CHEK1: variants seen among roughly 807,000 people sequenced by gnomAD.
The protein encoded by CHEK1 is serine/threonine-protein kinase Chk1.
Under a neutral mutation model 60.2 loss-of-function variants are expected in CHEK1, and 32 were observed. The observed-to-expected ratio is 0.53, with a 90% CI of 0.40 to 0.71. The LOEUF (loss-of-function observed/expected upper bound fraction) is 0.71, where lower values mean the gene tolerates loss of function less well. CHEK1 is among the 30% of genes least tolerant of loss of function. The probability of loss-of-function intolerance (pLI) is 0.00; values close to 1 mark genes in which losing one functional copy is unlikely to be tolerated. For synonymous variants in CHEK1, 179 were observed against 187.2 expected (o/e 0.96, Z 0.36); for missense variants, 399 against 564.6 (o/e 0.71, Z 2.97).
At chr11:125,657,641 T>C (rs957766668), downstream of CHEK1, among the ~76,000 whole-genome samples, 5 of 152,234 alleles carry the variant, frequency 3.3e-5, no homozygotes, top group African/African-American at 1.2e-4. Flanking sequence ...TGTGTTGATT[T>C]TTTATAGCCA....
At position 125,656,721 on chromosome 11, in the gene CHEK1, CA is replaced by C; in HGVS notation, c.*1406del. 1.9e-5 allele frequency: 4 copies of C among 214,960 alleles called. No homozygotes were observed. The highest frequency in any genetic ancestry group is 2.8e-5 in the Non-Finnish European group (3 of 106,542). The allele number at this position is 214,960 out of a possible 1,614,324, so 13.3% of individuals were successfully genotyped here. A position where few individuals can be genotyped will look rare whatever the true frequency, so the allele number is the denominator to read the frequency against. Reference sequence around the variant, plus strand: ...GAATGTCTAGTAGGCATCTCTTGACCAAAAACAGCTTTTGATTCCTGTTCTC... The same window carrying C: ...GAATGTCTAGTAGGCATCTCTTGACCAAAACAGCTTTTGATTCCTGTTCTC... On this transcript the variant is annotated 3_prime_UTR_variant, in exon 13 of 13. Coordinates refer to ENST00000438015, the MANE Select transcript of CHEK1 (RefSeq NM_001114122.3).
chr11:125,631,256 C>G, intron 5 of CHEK1, among the ~76,000 whole-genome samples: 1 of 151,944 alleles, frequency 6.6e-6, no homozygotes, highest in Non-Finnish European at 1.5e-5. Flanking sequence ...TATTAATATA[C>G]AAGATATAAT....
intron 5 of CHEK1, among the ~76,000 whole-genome samples, chr11:125,632,396 T>C (rs1398228094): frequency 6.6e-6 from 1 of 152,230 alleles, no homozygotes; most frequent in Non-Finnish European, 1.5e-5. Flanking sequence ...TTTCTAACTC[T>C]TAAGACTGGG....
chr11:125,632,689 T>A (rs1404235339), intron 5 of CHEK1, among the ~76,000 whole-genome samples: 1 of 152,156 alleles, frequency 6.6e-6, no homozygotes, highest in African/African-American at 2.4e-5. Context: ...AAGAAAAAAA[T>A]TACTGTGGTT....
intron 12 of CHEK1, among the ~76,000 whole-genome samples, chr11:125,654,993 A>T (rs2136065522): frequency 6.6e-6 from 1 of 152,278 alleles, no homozygotes; most frequent in East Asian, 1.9e-4. Context: ...CTGCTCTCTG[A>T]GCTCAGTGCA....
intron 7 of CHEK1, among the ~76,000 whole-genome samples, chr11:125,636,875 T>G (rs1483264430): frequency 6.6e-6 from 1 of 152,186 alleles, no homozygotes; most frequent in African/African-American, 2.4e-5. Context: ...GGAAAGGTCT[T>G]CTACCTCTAC....
rs183733803 is a variant in CHEK1 at position 125,644,428 on chromosome 11, A to G, written c.1102-84A>G. 11,023 of 1,528,134 alleles carry G rather than the reference A, an allele frequency of 7.2e-3. 50 individuals carry two copies. Among genetic ancestry groups the G allele is most frequent in the Non-Finnish European group, 8.2e-3 (9,345 of 1,137,974 alleles). 94.7% of individuals were successfully genotyped at this position (1,528,134 alleles called of 1,614,324 possible). Reference sequence around the variant, plus strand: ...GAGGAGGGAGGCCTTCATGCAAAATAATTTTAAGTCAGACTAAATAGCTAT... The same window carrying G: ...GAGGAGGGAGGCCTTCATGCAAAATGATTTTAAGTCAGACTAAATAGCTAT... On this transcript the variant is annotated intron_variant, in intron 10 of 12. Transcript: ENST00000438015.
downstream of CHEK1, among the ~76,000 whole-genome samples, chr11:125,658,451 AT>A (rs1173077036): frequency 6.6e-6 from 1 of 152,028 alleles, no homozygotes; most frequent in Non-Finnish European, 1.5e-5. Flanking sequence ...AGTTCTTCAT[AT>A]GTTCAGCATA....
chr11:125,658,673 TC>T (rs1480969483), downstream of CHEK1, among the ~76,000 whole-genome samples: 2 of 148,118 alleles, frequency 1.4e-5, no homozygotes, highest in Non-Finnish European at 3.0e-5. Context: ...CTTAAAAGCT[TC>T]ATGGCTTTTG....
At chr11:125,658,170 G>A (rs1243394895), downstream of CHEK1, among the ~76,000 whole-genome samples, 1 of 152,160 alleles carries the variant, frequency 6.6e-6, no homozygotes, top group African/African-American at 2.4e-5. Flanking sequence ...GCAGGCTCAA[G>A]CAATCCTCCT....
At chr11:125,660,757 AAAAAAAAG>A (rs748761997), downstream of CHEK1, among the ~76,000 whole-genome samples, 18 of 151,934 alleles carry the variant, frequency 1.2e-4, no homozygotes, top group Middle Eastern at 3.4e-3. Context: ...ATTAACAAAA[AAAAAAAAG>A]AAAAAGTTTG....
rs1322109311 is a variant in CHEK1 at position 125,644,106 on chromosome 11, G to T, written c.939G>T (p.Lys313Asn). The change falls in exon 10 of 13, where the codon AAG becomes AAT. Residue 313 changes from lysine (K) to asparagine (N), a missense_variant. Physicochemically the swap from Lys to Asn is moderately conservative, Grantham distance 94. Around this residue, in one of 2 missense-constraint regions of CHEK1, gnomAD observed 370 missense variants for 494.8 expected, o/e 0.75. Coordinates refer to ENST00000438015, the MANE Select transcript of CHEK1 (RefSeq NM_001114122.3). The stretch of plus-strand genomic sequence containing the variant: ...AATGCCTCAGTGAAGAAAATGTGAA[G>T]TACTCCAGTTCTCAGCCAGAACCCC... Reference protein sequence around the residue: ...VNSASSEENVKYSSSQPEPRT... With the variant: ...VNSASSEENVNYSSSQPEPRT... 6.2e-7 allele frequency: 1 copy of T among 1,609,676 alleles called. No homozygotes were observed. Among genetic ancestry groups the T allele is most frequent in the East Asian group, 2.2e-5 (1 of 44,866 alleles).
At chr11:125,655,033 T>G (rs1941864113) in intron 12 of CHEK1, among the ~76,000 whole-genome samples, 192 bp from the exon 13 acceptor site, 1 of 152,170 alleles carries the variant, frequency 6.6e-6, no homozygotes, top group South Asian at 2.1e-4. Flanking sequence ...TGAAACCACA[T>G]CAGAATTATT....
chr11:125,664,160 C>T (rs1942059389), intron 13 of CHEK1, among the ~76,000 whole-genome samples: 1 of 151,642 alleles, frequency 6.6e-6, no homozygotes, highest in Admixed American at 6.6e-5. Flanking sequence ...GCCATTTTAA[C>T]AGGAGAGATA....
chr11:125,637,330 C>A (rs539582356), intron 7 of CHEK1, 119 bp from the exon 8 acceptor site: 11 of 654,378 alleles, frequency 1.7e-5, no homozygotes, highest in Middle Eastern at 3.1e-4. Flanking sequence ...AATTCTTTCT[C>A]TTCCCCAGGA....
intron 13 of CHEK1, among the ~76,000 whole-genome samples, chr11:125,674,579 A>G (rs1333751135): frequency 6.6e-6 from 1 of 152,184 alleles, no homozygotes; most frequent in African/African-American, 2.4e-5. Flanking sequence ...AGTCACTCCT[A>G]TTACCTTTTA....
At chr11:125,663,893 A>G (rs1942056507) in intron 13 of CHEK1, among the ~76,000 whole-genome samples, 1 of 152,174 alleles carries the variant, frequency 6.6e-6, no homozygotes, top group Non-Finnish European at 1.5e-5. Context: ...GTAGTCAGTT[A>G]TCACAGCATC....
intron 2 of CHEK1, 81 bp from the exon 3 acceptor site, chr11:125,627,526 G>A: frequency 1.7e-6 from 2 of 1,208,582 alleles, no homozygotes; most frequent in South Asian, 3.2e-5. Flanking sequence ...AGGTAAAATC[G>A]TTTTGGATGA....
chr11:125,645,816 G>A (rs747877589), intron 11 of CHEK1, among the ~76,000 whole-genome samples: 13 of 152,102 alleles, frequency 8.5e-5, no homozygotes, highest in African/African-American at 1.2e-4. Flanking sequence ...AAGAGTATAT[G>A]GTTATTTATT....
Sources: gnomAD v4.1 joint callset for allele counts (sites outside exome capture counted in the v4.1 genomes callset) on GRCh38, gnomAD v4.1.1 for gene constraint, gnomAD v4.1.1 regional missense constraint, MANE v1.5 for transcripts, NCBI Gene and HGNC (gene_info 2026-07-23, HGNC 2026-07-21) for gene names.